Variants in DPYD observed in about 807,000 individuals in gnomAD.
DPYD encodes dihydropyrimidine dehydrogenase [NADP(+)].
In DPYD, 109 loss-of-function variants were observed where a neutral mutation model predicts 116.2. That is an observed-to-expected ratio of 0.94 (90% confidence interval 0.80 to 1.10). The LOEUF (loss-of-function observed/expected upper bound fraction) is 1.10, where lower values mean the gene tolerates loss of function less well. Among genes scored for constraint, DPYD ranks in the 50% least tolerant of loss-of-function variants. DPYD has a pLI of 0.00. For missense variants in DPYD, 1,302 were observed against 1,254.5 expected (o/e 1.04, Z -0.57); for synonymous variants, 440 against 432.0 (o/e 1.02, Z -0.23).
intron 16 of DPYD, among the ~76,000 whole-genome samples, chr1:97,364,823 C>T (rs555026951): frequency 3.6e-4 from 55 of 152,168 alleles, no homozygotes; most frequent in African/African-American, 1.2e-3. Flanking sequence ...TGTAAAATGC[C>T]GTAATTTTAA....
chr1:97,315,807 C>T (rs979584685), intron 16 of DPYD, among the ~76,000 whole-genome samples: 3 of 151,888 alleles, frequency 2.0e-5, no homozygotes, highest in African/African-American at 7.2e-5. Flanking sequence ...TGGTGACCTA[C>T]CCAGCAATAG....
At chr1:97,656,670 T>C (rs1010215120) in intron 8 of DPYD, among the ~76,000 whole-genome samples, 1 of 152,170 alleles carries the variant, frequency 6.6e-6, no homozygotes, top group African/African-American at 2.4e-5. Flanking sequence ...GTTGCTTTCA[T>C]TTTTGTGACA....
At chr1:97,540,744 G>C (rs970192404) in intron 12 of DPYD, among the ~76,000 whole-genome samples, 1 of 152,182 alleles carries the variant, frequency 6.6e-6, no homozygotes, top group Non-Finnish European at 1.5e-5. Context: ...GAGCAGGGCT[G>C]AAAGTCCCAA....
At chr1:97,172,023 G>A (rs569785126) in intron 20 of DPYD, among the ~76,000 whole-genome samples, 3 of 152,306 alleles carry the variant, frequency 2.0e-5, no homozygotes, top group South Asian at 4.1e-4. Flanking sequence ...TTTAGACAAA[G>A]TATAAGGACG....
At chr1:97,705,919 G>A (rs1355205732) in intron 5 of DPYD, among the ~76,000 whole-genome samples, 5 of 151,878 alleles carry the variant, frequency 3.3e-5, no homozygotes, top group East Asian at 3.9e-4. Context: ...TTTTTTGGCC[G>A]CATAAATGTC....
chr1:97,491,601 T>A (rs1678979710), intron 13 of DPYD, among the ~76,000 whole-genome samples: 2 of 152,026 alleles, frequency 1.3e-5, no homozygotes, highest in Admixed American at 1.3e-4. Context: ...GAATGCTGGC[T>A]TCCTTATTTA....
intron 19 of DPYD, among the ~76,000 whole-genome samples, chr1:97,198,534 C>T (rs1557931939): frequency 6.6e-6 from 1 of 152,164 alleles, no homozygotes; most frequent in Non-Finnish European, 1.5e-5. Flanking sequence ...ATGCCTTGTC[C>T]TTGCCTAACT....
chr1:97,525,936 CT>C (rs1227779935), intron 12 of DPYD, among the ~76,000 whole-genome samples: 2 of 139,980 alleles, frequency 1.4e-5, no homozygotes. Context: ...TCTCCAAGAG[CT>C]ATCTAGTGGG....
intron 21 of DPYD, among the ~76,000 whole-genome samples, chr1:97,090,743 C>T (rs1488198807): frequency 2.0e-5 from 3 of 152,130 alleles, no homozygotes; most frequent in East Asian, 1.9e-4. Flanking sequence ...TTAAAATTCA[C>T]GTTGTATTCC....
At chr1:97,489,402 T>C (rs561348215) in intron 13 of DPYD, among the ~76,000 whole-genome samples, 1 of 152,344 alleles carries the variant, frequency 6.6e-6, no homozygotes, top group South Asian at 2.1e-4. Context: ...GAGGGTTCCA[T>C]CCTTATTATT....
chr1:97,247,110 T>C (rs901767725), intron 18 of DPYD, among the ~76,000 whole-genome samples: 1 of 152,162 alleles, frequency 6.6e-6, no homozygotes, highest in African/African-American at 2.4e-5. Context: ...AGAGAGCTTA[T>C]ATAATGGAAG....
chr1:97,236,358 GCCTT>G (rs1342432979), intron 18 of DPYD, among the ~76,000 whole-genome samples: 1 of 151,454 alleles, frequency 6.6e-6, no homozygotes, highest in East Asian at 1.9e-4. Context: ...AGCACACACA[GCCTT>G]CCTTTAAAAA....
intron 2 of DPYD, among the ~76,000 whole-genome samples, chr1:97,848,332 C>T (rs535189366): frequency 2.6e-5 from 4 of 152,202 alleles, no homozygotes; most frequent in African/African-American, 7.2e-5. Context: ...CTCCTGACCT[C>T]GTGATCCACC....
intron 16 of DPYD, among the ~76,000 whole-genome samples, chr1:97,339,140 G>C (rs77380255): frequency 0.031 from 4,647 of 152,166 alleles, 236 homozygotes; most frequent in African/African-American, 0.11. Flanking sequence ...AAGGGACAAA[G>C]AAGGAAATTA....
At chr1:97,752,526 A>T (rs903170746) in intron 3 of DPYD, among the ~76,000 whole-genome samples, 1 of 152,146 alleles carries the variant, frequency 6.6e-6, no homozygotes, top group African/African-American at 2.4e-5. Context: ...ATCTTGGTAC[A>T]ATATTATCTC....
intron 16 of DPYD, among the ~76,000 whole-genome samples, chr1:97,364,401 G>C (rs1670915180): frequency 6.6e-6 from 1 of 152,030 alleles, no homozygotes; most frequent in South Asian, 2.1e-4. Flanking sequence ...TAGGGAGAAA[G>C]GGGCAAAAAC....
intron 7 of DPYD, among the ~76,000 whole-genome samples, chr1:97,686,471 C>G (rs989541858): frequency 6.6e-6 from 1 of 151,194 alleles, no homozygotes; most frequent in Non-Finnish European, 1.5e-5. Flanking sequence ...CCCGTCTCTA[C>G]TAAAAATACA....
chr1:97,590,943 T>C (rs983367552), intron 10 of DPYD, among the ~76,000 whole-genome samples: 1 of 152,220 alleles, frequency 6.6e-6, no homozygotes. Context: ...ATTTTTCTCT[T>C]TCAATGAGAG....
At chr1:97,627,057 C>T (rs533437108) in intron 8 of DPYD, among the ~76,000 whole-genome samples, 5 of 152,038 alleles carry the variant, frequency 3.3e-5, no homozygotes, top group African/African-American at 1.2e-4. Flanking sequence ...CTCTTCAGGC[C>T]CAGCTCCTTG....
Sources: gnomAD v4.1 joint callset for allele counts (sites outside exome capture counted in the v4.1 genomes callset) on GRCh38, gnomAD v4.1.1 for gene constraint, MANE v1.5 for transcripts, NCBI Gene and HGNC (gene_info 2026-07-23, HGNC 2026-07-21) for gene names.